Variants in PCDH15 observed in about 807,000 individuals in gnomAD.
The protein encoded by PCDH15 is protocadherin-15.
PCDH15 carries 129 observed loss-of-function variants against 178.5 expected under a neutral mutation model. The observed-to-expected ratio is 0.72, with a 90% CI of 0.63 to 0.84. The LOEUF (loss-of-function observed/expected upper bound fraction) is 0.84, where lower values mean the gene tolerates loss of function less well. Ranked by LOEUF, PCDH15 falls within the 40% of genes least tolerant of loss-of-function variation. PCDH15 has a pLI of 0.00. For synonymous variants in PCDH15, 800 were observed against 732.0 expected (o/e 1.09, Z -1.50); for missense variants, 2,230 against 2,099.9 (o/e 1.06, Z -1.21).
chr10:55,189,695 T>G (rs1218334190), intron 1 of PCDH15, among the ~76,000 whole-genome samples: 2 of 151,872 alleles, frequency 1.3e-5, no homozygotes, highest in Non-Finnish European at 2.9e-5. Context: ...GAGTTTCTTT[T>G]TCTTTTTTTG....
At chr10:55,396,788 C>T (rs1280423403) in intron 2 of PCDH15, among the ~76,000 whole-genome samples, 1 of 152,132 alleles carries the variant, frequency 6.6e-6, no homozygotes, top group Admixed American at 6.6e-5. Flanking sequence ...ATAGCAAAAA[C>T]GTTCCTAAAG....
chr10:54,179,143 C>A (rs2047728699), intron 13 of PCDH15, among the ~76,000 whole-genome samples: 1 of 152,008 alleles, frequency 6.6e-6, no homozygotes, highest in East Asian at 1.9e-4. Flanking sequence ...GCACTATTCA[C>A]CATAGCAAAG....
At chr10:55,196,128 CT>C (rs1264491148) in intron 1 of PCDH15, among the ~76,000 whole-genome samples, 2 of 151,938 alleles carry the variant, frequency 1.3e-5, no homozygotes, top group Non-Finnish European at 2.9e-5. Context: ...GCTACTTTTA[CT>C]TTCTTAATTT....
At chr10:54,749,575 A>C (rs1348442226) in intron 1 of PCDH15, among the ~76,000 whole-genome samples, 1 of 152,144 alleles carries the variant, frequency 6.6e-6, no homozygotes, top group Non-Finnish European at 1.5e-5. Context: ...AATTTGTTCC[A>C]TACATACTTT....
At chr10:54,037,535 CTGT>C (rs1412167661) in intron 18 of PCDH15, among the ~76,000 whole-genome samples, 1 of 115,096 alleles carries the variant, frequency 8.7e-6, no homozygotes, top group East Asian at 2.1e-4. Flanking sequence ...GGTATGGACA[CTGT>C]TTTTCAGACA....
chr10:54,235,466 A>T (rs1423766344), intron 9 of PCDH15, among the ~76,000 whole-genome samples: 1 of 152,072 alleles, frequency 6.6e-6, no homozygotes, highest in African/African-American at 2.4e-5. Context: ...ATTAAATTTC[A>T]TCCTTTGGCT....
Position 55,109,785 on chromosome 10 carries a change from A to G in PCDH15, c.-80+56791T>C, listed in dbSNP as rs572939714. Among the ~76,000 whole-genome samples the G allele has an allele frequency of 5.3e-5, 8 of 152,182 alleles. No homozygotes were observed. The East Asian group carries it at 1.5e-3, about 29-fold the overall frequency. ...AGGGGAAATAATTGTTTCCAAATATACATATATGGAATAAAGAAGGCAGAA... is the reference window on the plus strand; with the variant it reads ...AGGGGAAATAATTGTTTCCAAATATGCATATATGGAATAAAGAAGGCAGAA... On this transcript the variant is annotated intron_variant, in intron 2 of 5. Transcript: ENST00000458638.
Position 54,373,234 on chromosome 10 carries a change from T to C in PCDH15, c.319-3959A>G, listed in dbSNP as rs182232924. ...CATTTTTGGCAAATCTGTAGGAATT[T>C]ATTTTTCATAAAGTATAGGCAAAGT... On this transcript the variant is annotated intron_variant, in intron 4 of 37. Coordinates refer to ENST00000644397, the MANE Select transcript of PCDH15 (RefSeq NM_001384140.1). 1.3e-3 allele frequency among the ~76,000 whole-genome samples: 199 copies of C among 151,706 alleles called. 1 individual carries two copies. Among genetic ancestry groups the C allele is most frequent in the African/African-American group, 2.6e-3 (106 of 41,480 alleles).
chr10:53,811,071 G>T (rs2075847550), intron 36 of PCDH15, among the ~76,000 whole-genome samples: 1 of 152,062 alleles, frequency 6.6e-6, no homozygotes, highest in Admixed American at 6.6e-5. Context: ...GTCTGTAATG[G>T]TTTTCACAAT....
chr10:55,332,447 C>A (rs1844226213), intron 2 of PCDH15, among the ~76,000 whole-genome samples: 1 of 152,088 alleles, frequency 6.6e-6, no homozygotes, highest in South Asian at 2.1e-4. Flanking sequence ...ATAAATAGAA[C>A]TAGATCAAAT....
rs889005539 is a variant in PCDH15 at position 54,654,411 on chromosome 10, A to T, written c.91+9761T>A. ...GATAGGAAGACACTCAGAAAAGGTCAGTAAAAAACCTCTGAGAAAAAGAAA... is the reference window on the plus strand; with the variant it reads ...GATAGGAAGACACTCAGAAAAGGTCTGTAAAAAACCTCTGAGAAAAAGAAA... On this transcript the variant is annotated intron_variant, in intron 2 of 37. Coordinates refer to ENST00000644397, the MANE Select transcript of PCDH15 (RefSeq NM_001384140.1). 4.6e-5 allele frequency among the ~76,000 whole-genome samples: 7 copies of T among 152,346 alleles called. No homozygotes were observed. In the South Asian group the frequency reaches 1.4e-3, roughly 32 times the overall value.
At chr10:55,479,529 G>A (rs1287533851) in intron 2 of PCDH15, among the ~76,000 whole-genome samples, 1 of 151,298 alleles carries the variant, frequency 6.6e-6, no homozygotes, top group African/African-American at 2.4e-5. Context: ...CACAATAAAG[G>A]CTGCACATGA....
intron 2 of PCDH15, among the ~76,000 whole-genome samples, chr10:55,608,869 A>T (rs1031661132): frequency 1.9e-4 from 29 of 152,060 alleles, no homozygotes; most frequent in African/African-American, 7.0e-4. Flanking sequence ...GTTCTTTGAT[A>T]TGTTCTGAGA....
chr10:53,883,162 C>T (rs998526968), intron 26 of PCDH15, among the ~76,000 whole-genome samples: 4 of 83,738 alleles, frequency 4.8e-5, no homozygotes, highest in African/African-American at 2.3e-4. Context: ...TATATACACA[C>T]ATATGCATAC....
chr10:55,040,671 C>G (rs897097675), intron 2 of PCDH15, among the ~76,000 whole-genome samples: 5 of 152,246 alleles, frequency 3.3e-5, no homozygotes, highest in African/African-American at 9.6e-5. Context: ...TGCACACATA[C>G]ACACAATCTT....
chr10:55,444,188 A>G (rs1316407920), intron 2 of PCDH15, among the ~76,000 whole-genome samples: 4 of 151,870 alleles, frequency 2.6e-5, no homozygotes, highest in Non-Finnish European at 4.4e-5. Flanking sequence ...AATGTAGATG[A>G]TGGGTGGATG....
chr10:53,898,176 C>T (rs2082096124), intron 26 of PCDH15, among the ~76,000 whole-genome samples: 1 of 151,760 alleles, frequency 6.6e-6, no homozygotes, highest in Non-Finnish European at 1.5e-5. Context: ...ACCGTGTTAG[C>T]CAGGATGGTC....
intron 2 of PCDH15, among the ~76,000 whole-genome samples, chr10:54,574,141 G>A (rs2090188357): frequency 6.6e-6 from 1 of 151,230 alleles, no homozygotes; most frequent in South Asian, 2.1e-4. Flanking sequence ...TTTTCTTCTA[G>A]GGTTTTTATG....
chr10:55,229,211 G>A (rs535583542), intron 1 of PCDH15, among the ~76,000 whole-genome samples: 9 of 151,348 alleles, frequency 5.9e-5, no homozygotes, highest in African/African-American at 1.9e-4. Flanking sequence ...GCTCTTCTGA[G>A]AGTAAAAGAT....
Sources: gnomAD v4.1 joint callset for allele counts (sites outside exome capture counted in the v4.1 genomes callset) on GRCh38, gnomAD v4.1.1 for gene constraint, MANE v1.5 for transcripts, NCBI Gene and HGNC (gene_info 2026-07-23, HGNC 2026-07-21) for gene names.